The following STARD13 variants were observed in gnomAD, a reference collection of about 807,000 sequenced individuals.
The protein encoded by STARD13 is stAR-related lipid transfer protein 13.
A neutral mutation model predicts 106.4 loss-of-function variants in STARD13; 62 were observed. The ratio of observed to expected loss-of-function variants is 0.58; its 90% CI spans 0.48 to 0.72. The LOEUF is 0.72. Among genes scored for constraint, STARD13 ranks in the 30% least tolerant of loss-of-function variants. STARD13 has a pLI of 0.00. For missense variants in STARD13, 1,387 were observed against 1,424.0 expected (o/e 0.97, Z 0.42); for synonymous variants, 565 against 553.0 (o/e 1.02, Z -0.31).
intron 1 of STARD13, chr13:33,185,924 A>G (rs1389265362): frequency 6.2e-6 from 10 of 1,614,118 alleles, no homozygotes; most frequent in Non-Finnish European, 5.9e-6. Context: ...GTTTCCCACC[A>G]CAGACAGTGT....
intron 1 of STARD13, among the ~76,000 whole-genome samples, chr13:33,176,847 G>A (rs797219): frequency 0.6 from 90,452 of 151,996 alleles, 28,193 homozygotes; most frequent in African/African-American, 0.79. Context: ...AAAAGGTTAA[G>A]AAAGTTACAT....
At chr13:33,385,218 AATATATATATATATAT>A in the STARD13 span, among the ~76,000 whole-genome samples, 72 of 33,580 alleles carry the variant, frequency 2.1e-3, 3 homozygotes, top group Admixed American at 0.016. Context: ...AAAGGTTCGG[AATATATATATATATAT>A]ATATATATAT....
chr13:33,365,754 C>A, the STARD13 span, among the ~76,000 whole-genome samples: 2 of 152,128 alleles, frequency 1.3e-5, no homozygotes, highest in Non-Finnish European at 2.9e-5. Flanking sequence ...AGGTGTTGGA[C>A]CAGTAAAACA....
Position 33,106,885 on chromosome 13 carries a change from A to G in STARD13, c.3097T>C (p.Ser1033Pro), listed in dbSNP as rs1366420668. The G allele has an allele frequency of 2.5e-6, 4 of 1,614,082 alleles. No individual in the cohort carries two copies. In the African/African-American group the frequency reaches 5.3e-5, roughly 22 times the overall value. Residue 1033 changes from serine to proline, a missense_variant, in exon 13 of 14, where the codon TCC becomes CCC. By Grantham distance (74) the Ser-to-Pro change is moderately conservative (BLOSUM62 -1). Coordinates refer to ENST00000336934, the MANE Select transcript of STARD13 (RefSeq NM_178006.4). Reference sequence around the variant, plus strand: ...AGCTGGGCTTCCTCATGCTCCACGGAGAGGGACACCAGGGTACACATTCCT... The same window carrying G: ...AGCTGGGCTTCCTCATGCTCCACGGGGAGGGACACCAGGGTACACATTCCT... The part of the protein sequence containing the change: ...PKGMCTLVSL[S>P]VEHEEAQLLG...
chr13:33,385,988 C>T, the STARD13 span, among the ~76,000 whole-genome samples: 73 of 151,966 alleles, frequency 4.8e-4, no homozygotes, highest in East Asian at 0.011. Context: ...TCCTTGCTTG[C>T]GTTTATTCAT....
chr13:33,393,436 G>T, the STARD13 span, among the ~76,000 whole-genome samples: 3 of 152,308 alleles, frequency 2.0e-5, no homozygotes, highest in East Asian at 5.8e-4. Flanking sequence ...GGCATCGGTA[G>T]ATAGCTCCAA....
At chr13:33,486,761 C>A in the STARD13 span, among the ~76,000 whole-genome samples, 1 of 152,318 alleles carries the variant, frequency 6.6e-6, no homozygotes, top group East Asian at 1.9e-4. Flanking sequence ...TGCACTTGAA[C>A]ACTGCCTGCC....
intron 1 of STARD13, among the ~76,000 whole-genome samples, chr13:33,291,714 G>A (rs533882708): frequency 2.6e-5 from 4 of 152,238 alleles, no homozygotes; most frequent in South Asian, 2.1e-4. Context: ...TATACCCCAC[G>A]TTAAGTGAAG....
intron 1 of STARD13, among the ~76,000 whole-genome samples, chr13:33,258,452 A>G (rs939217231): frequency 6.6e-6 from 1 of 152,124 alleles, no homozygotes; most frequent in African/African-American, 2.4e-5. Context: ...ACACCATGCA[A>G]TCGTCAATGC....
intron 1 of STARD13, among the ~76,000 whole-genome samples, chr13:33,214,699 T>TAC (rs55996131): frequency 0.04 from 5,832 of 144,044 alleles, 168 homozygotes; most frequent in African/African-American, 0.064. Context: ...CATGCACACA[T>TAC]ACACACACAC....
chr13:33,238,660 T>G (rs1889315290), intron 1 of STARD13, among the ~76,000 whole-genome samples: 1 of 152,090 alleles, frequency 6.6e-6, no homozygotes, highest in Non-Finnish European at 1.5e-5. Context: ...GACTTGATGG[T>G]CAGTGCTGCC....
At chr13:33,406,835 G>T in the STARD13 span, among the ~76,000 whole-genome samples, 2 of 152,162 alleles carry the variant, frequency 1.3e-5, no homozygotes, top group Non-Finnish European at 2.9e-5. Context: ...GCGTCGCCTT[G>T]TGAGACCTCA....
chr13:33,435,503 C>T, the STARD13 span, among the ~76,000 whole-genome samples: 1 of 152,262 alleles, frequency 6.6e-6, no homozygotes, highest in Non-Finnish European at 1.5e-5. Flanking sequence ...TTCTTCTTGG[C>T]ACACTTTGAT....
At chr13:33,279,884 C>T (rs551889523) in intron 1 of STARD13, 1 of 152,186 alleles carries the variant, frequency 6.6e-6, no homozygotes, top group South Asian at 2.1e-4. Flanking sequence ...TAAACAGTAT[C>T]CTTTCTGTAC....
At chr13:33,591,266 C>G in the STARD13 span, among the ~76,000 whole-genome samples, 2 of 152,328 alleles carry the variant, frequency 1.3e-5, no homozygotes, top group South Asian at 4.1e-4. Context: ...TTATCTGAAG[C>G]CACGTTTATT....
At chr13:33,264,439 G>A (rs1160832568) in intron 1 of STARD13, among the ~76,000 whole-genome samples, 1 of 152,172 alleles carries the variant, frequency 6.6e-6, no homozygotes, top group Non-Finnish European at 1.5e-5. Flanking sequence ...CTCAGCTGGT[G>A]GTAATGTCAG....
chr13:33,530,700 G>A, the STARD13 span, among the ~76,000 whole-genome samples: 1 of 152,120 alleles, frequency 6.6e-6, no homozygotes, highest in Non-Finnish European at 1.5e-5. Context: ...GGTATATAAT[G>A]TCTGGCTGTC....
chr13:33,531,131 T>A, the STARD13 span, among the ~76,000 whole-genome samples: 1 of 151,672 alleles, frequency 6.6e-6, no homozygotes, highest in African/African-American at 2.4e-5. Flanking sequence ...TAAAGGGGAG[T>A]TTCCCTGCAC....
At chr13:33,491,932 G>T in the STARD13 span, among the ~76,000 whole-genome samples, 1 of 152,194 alleles carries the variant, frequency 6.6e-6, no homozygotes, top group Non-Finnish European at 1.5e-5. Flanking sequence ...TAATCACCTG[G>T]GTGCAGGCGG....
Sources: gnomAD v4.1 joint callset for allele counts (sites outside exome capture counted in the v4.1 genomes callset) on GRCh38, gnomAD v4.1.1 for gene constraint, MANE v1.5 for transcripts, NCBI Gene and HGNC (gene_info 2026-07-23, HGNC 2026-07-21) for gene names.